The following KIAA1217 variants were observed in gnomAD, a reference collection of about 807,000 sequenced individuals.
KIAA1217 encodes sickle tail protein homolog.
A neutral mutation model predicts 163.9 loss-of-function variants in KIAA1217; 88 were observed. The observed-to-expected ratio is 0.54, with a 90% CI of 0.45 to 0.64. The LOEUF (loss-of-function observed/expected upper bound fraction) is 0.64. KIAA1217 is among the 30% of genes least tolerant of loss of function. The pLI, the probability that KIAA1217 is intolerant of heterozygous loss-of-function variation, is 0.00. For missense variants in KIAA1217, 2,372 were observed against 2,475.0 expected (o/e 0.96, Z 0.88); for synonymous variants, 903 against 923.1 (o/e 0.98, Z 0.39).
At chr10:23,722,318 A>G (rs1262948376) in intron 1 of KIAA1217, among the ~76,000 whole-genome samples, 1 of 152,178 alleles carries the variant, frequency 6.6e-6, no homozygotes, top group Admixed American at 6.6e-5. Flanking sequence ...ATAAGAATGT[A>G]CTTGAAGCAA....
chr10:23,971,640 T>C (rs2131393097), intron 1 of KIAA1217, among the ~76,000 whole-genome samples: 1 of 152,338 alleles, frequency 6.6e-6, no homozygotes, highest in Middle Eastern at 3.4e-3. Flanking sequence ...TTGTAGACTC[T>C]GAGAGAAATC....
chr10:23,719,607 TAAAA>T (rs1381287067), intron 1 of KIAA1217, among the ~76,000 whole-genome samples: 3 of 150,404 alleles, frequency 2.0e-5, no homozygotes, highest in Non-Finnish European at 4.4e-5. Flanking sequence ...AATAAATAAA[TAAAA>T]AGGAAGAAAA....
intron 5 of KIAA1217, 38 bp downstream of exon 5, chr10:24,438,517 G>A (rs1389590321): frequency 2.9e-6 from 4 of 1,369,864 alleles, no homozygotes; most frequent in Admixed American, 1.7e-5. Context: ...ATCTTCAGTG[G>A]GTCAAAGCGT....
chr10:24,068,435 G>A (rs1473273657), intron 2 of KIAA1217, among the ~76,000 whole-genome samples: 2 of 152,084 alleles, frequency 1.3e-5, no homozygotes, highest in East Asian at 1.9e-4. Context: ...TGAATTATCT[G>A]TCAGATAATT....
intron 2 of KIAA1217, among the ~76,000 whole-genome samples, chr10:24,378,635 CT>C (rs35109271): frequency 0.024 from 3,642 of 149,500 alleles, 162 homozygotes; most frequent in African/African-American, 0.084. Flanking sequence ...GCTATTTTGA[CT>C]TTTTTTTTTT....
At chr10:23,743,028 G>A (rs1359149634) in intron 1 of KIAA1217, among the ~76,000 whole-genome samples, 1 of 152,110 alleles carries the variant, frequency 6.6e-6, no homozygotes, top group Non-Finnish European at 1.5e-5. Flanking sequence ...GAAAGTGATG[G>A]GTTGGATTGC....
chr10:24,473,770 G>T lies in KIAA1217; in HGVS notation c.1389G>T (p.Leu463Phe). The T allele has an allele frequency of 6.2e-7, 1 of 1,614,092 alleles. No homozygotes were observed. The highest frequency in any genetic ancestry group is 8.5e-7 in the Non-Finnish European group (1 of 1,180,032). ...CAAGGAAATATCCGGATAGCCATTT[G>T]CCTACACTGGGCTCCAAAACACCCC... ...QKSRKYPDSH[L>F]PTLGSKTPPA... is the part of the protein sequence containing the mutation. The change falls in exon 6 of 21, where the codon TTG becomes TTT. Residue 463 changes from leucine (L) to phenylalanine (F), a missense_variant. Leu to Phe is a conservative substitution (Grantham distance 22, BLOSUM62 0). This residue lies in a region of KIAA1217 where 1,431 missense variants were observed against 1,470.3 expected (regional missense o/e 0.97). Transcript: ENST00000376454.
chr10:24,466,782 T>C, intron 5 of KIAA1217: 1 of 985,404 alleles, frequency 1.0e-6, no homozygotes, highest in Non-Finnish European at 1.2e-6. Flanking sequence ...GTGATTTCCT[T>C]AAGAAAAAGT....
intron 1 of KIAA1217, among the ~76,000 whole-genome samples, chr10:23,847,982 G>T (rs1231352007): frequency 6.6e-6 from 1 of 152,116 alleles, no homozygotes; most frequent in Non-Finnish European, 1.5e-5. Context: ...GTACCCAGTG[G>T]TCATTCAGGG....
At chr10:23,845,971 G>A (rs11013747) in intron 1 of KIAA1217, among the ~76,000 whole-genome samples, 1 of 151,930 alleles carries the variant, frequency 6.6e-6, no homozygotes, top group Non-Finnish European at 1.5e-5. Flanking sequence ...TTTTCCAATA[G>A]CATTTATTGA....
chr10:24,379,060 A>G (rs2052935620), intron 2 of KIAA1217, among the ~76,000 whole-genome samples: 1 of 152,212 alleles, frequency 6.6e-6, no homozygotes. Context: ...AGAGGTTATA[A>G]ATGTAGCCAT....
chr10:24,031,118 C>T (rs1191349055), intron 2 of KIAA1217, among the ~76,000 whole-genome samples: 2 of 152,142 alleles, frequency 1.3e-5, no homozygotes, highest in African/African-American at 2.4e-5. Context: ...TTTTCCACAG[C>T]GACTATCCTG....
At chr10:23,987,363 C>A (rs1277810947) in intron 1 of KIAA1217, among the ~76,000 whole-genome samples, 1 of 124,268 alleles carries the variant, frequency 8.0e-6, no homozygotes, top group African/African-American at 3.4e-5. Flanking sequence ...GGCGACACAG[C>A]GAGACTCCAT....
At chr10:24,276,055 G>C (rs753086788) in intron 2 of KIAA1217, among the ~76,000 whole-genome samples, 28 of 152,268 alleles carry the variant, frequency 1.8e-4, no homozygotes, top group Non-Finnish European at 2.9e-4. Context: ...AAGAGAAGTT[G>C]AATTTAATTC....
At chr10:23,768,744 A>C (rs963059905) in intron 1 of KIAA1217, among the ~76,000 whole-genome samples, 1 of 152,166 alleles carries the variant, frequency 6.6e-6, no homozygotes, top group South Asian at 2.1e-4. Flanking sequence ...ACCATTTAGC[A>C]CAGCCCAGAG....
chr10:24,287,136 C>T (rs2078621464), intron 2 of KIAA1217, among the ~76,000 whole-genome samples: 1 of 151,338 alleles, frequency 6.6e-6, no homozygotes, highest in Non-Finnish European at 1.5e-5. Context: ...CTGCAACCTC[C>T]ACCTCCTGGG....
At chr10:23,974,374 C>T (rs1564578389) in intron 1 of KIAA1217, among the ~76,000 whole-genome samples, 1 of 152,162 alleles carries the variant, frequency 6.6e-6, no homozygotes, top group East Asian at 1.9e-4. Flanking sequence ...ATCCTGGTTC[C>T]TTCCTTTATT....
intron 1 of KIAA1217, among the ~76,000 whole-genome samples, chr10:23,856,983 C>T (rs566062909): frequency 5.9e-5 from 9 of 152,226 alleles, no homozygotes; most frequent in Non-Finnish European, 1.2e-4. Context: ...AATGCCTCGC[C>T]CTGCTTTGGC....
At chr10:24,273,673 G>A (rs1023267838) in intron 2 of KIAA1217, among the ~76,000 whole-genome samples, 1 of 151,904 alleles carries the variant, frequency 6.6e-6, no homozygotes, top group African/African-American at 2.4e-5. Context: ...CCAACATAGT[G>A]AAACCCTGTC....
Sources: gnomAD v4.1 joint callset for allele counts (sites outside exome capture counted in the v4.1 genomes callset) on GRCh38, gnomAD v4.1.1 for gene constraint, gnomAD v4.1.1 regional missense constraint, MANE v1.5 for transcripts, NCBI Gene and HGNC (gene_info 2026-07-23, HGNC 2026-07-21) for gene names.